The following PRKN variants were observed in gnomAD, a reference collection of about 807,000 sequenced individuals.
PRKN encodes parkin RBR E3 ubiquitin protein ligase, also known as E3 ubiquitin-protein ligase parkin.
In PRKN, 56 loss-of-function variants were observed where a neutral mutation model predicts 59.5. The ratio of observed to expected loss-of-function variants is 0.94; its 90% confidence interval spans 0.76 to 1.18. The LOEUF is 1.18. Ranked by LOEUF, PRKN falls within the 50% of genes most tolerant of loss-of-function variation. The pLI, the probability that PRKN is intolerant of heterozygous loss-of-function variation, is 0.00. For missense variants in PRKN, 657 were observed against 596.4 expected, an observed-to-expected ratio of 1.10 and a Z score of -1.06; for synonymous variants, 250 against 222.1, an observed-to-expected ratio of 1.13 and a Z score of -1.12.
chr6:162,108,297 T>G (rs1349090676), intron 4 of PRKN, among the ~76,000 whole-genome samples: 3 of 152,150 alleles, frequency 2.0e-5, no homozygotes, highest in Admixed American at 2.0e-4. Context: ...CTCTGGGAGC[T>G]TCCCCATGGG....
At chr6:161,635,029 TC>T (rs1783462301) in intron 7 of PRKN, among the ~76,000 whole-genome samples, 1 of 152,124 alleles carries the variant, frequency 6.6e-6, no homozygotes, top group Non-Finnish European at 1.5e-5. Context: ...TGCTCCTTCC[TC>T]AGGGCCGTAA....
chr6:162,030,960 G>T (rs1216707349), intron 5 of PRKN, among the ~76,000 whole-genome samples: 1 of 152,164 alleles, frequency 6.6e-6, no homozygotes, highest in Non-Finnish European at 1.5e-5. Context: ...GGAGTAAATG[G>T]GGAAGGAAGA....
At chr6:162,466,579 GT>G (rs953458037) in intron 1 of PRKN, among the ~76,000 whole-genome samples, 7 of 147,106 alleles carry the variant, frequency 4.8e-5, no homozygotes, top group African/African-American at 2.5e-5. Context: ...TTTTATTCTT[GT>G]TTTTTTTTTA....
intron 6 of PRKN, among the ~76,000 whole-genome samples, chr6:161,841,474 T>C (rs6905168): frequency 0.024 from 3,640 of 152,046 alleles, 129 homozygotes; most frequent in East Asian, 0.076. Flanking sequence ...CTCAGCCTCC[T>C]GAGTAGCTGG....
At chr6:161,864,044 G>T (rs1471053504) in intron 6 of PRKN, among the ~76,000 whole-genome samples, 27 of 152,168 alleles carry the variant, frequency 1.8e-4, no homozygotes, top group Admixed American at 1.7e-3. Context: ...GCTGCTGACT[G>T]ACCAGGGCAG....
At chr6:162,116,006 C>T (rs1418947361) in intron 4 of PRKN, among the ~76,000 whole-genome samples, 1 of 152,134 alleles carries the variant, frequency 6.6e-6, no homozygotes, top group Admixed American at 6.5e-5. Flanking sequence ...AGGGCCACTG[C>T]CCACTCTTCA....
At chr6:161,842,667 C>T (rs1326411914) in intron 6 of PRKN, among the ~76,000 whole-genome samples, 6 of 152,010 alleles carry the variant, frequency 3.9e-5, no homozygotes, top group Non-Finnish European at 7.4e-5. Context: ...AGGGTTCACA[C>T]GATTCTCCTG....
In PRKN at chr6:161,419,278, C is replaced by T. The variant is rs1254130751; in HGVS notation, c.1084-32401G>A. ...GATGTTTAAAGAGGACAGTGAGGTC[C>T]CTGCGCCACAGTGGTAGAAAGTGAC... On this transcript the variant is annotated intron_variant, in intron 9 of 11. Coordinates refer to ENST00000366898, the MANE Select transcript of PRKN (RefSeq NM_004562.3). The surrounding 1 kb of genome is among the most constrained non-coding windows in gnomAD (Gnocchi z 4.1). Among the ~76,000 whole-genome samples, 1 of 152,166 alleles carries T rather than the reference C, an allele frequency of 6.6e-6. No homozygotes were observed. Among genetic ancestry groups the T allele is most frequent in the African/African-American group, 2.4e-5 (1 of 41,428 alleles).
intron 4 of PRKN, 123 bp downstream of exon 4, chr6:162,201,008 C>T: frequency 8.9e-7 from 1 of 1,119,128 alleles, no homozygotes; most frequent in Non-Finnish European, 1.3e-6. Flanking sequence ...ACTATCACAA[C>T]CACAGAAGAG....
At chr6:162,102,841 A>G (rs1780031160) in intron 4 of PRKN, among the ~76,000 whole-genome samples, 2 of 152,088 alleles carry the variant, frequency 1.3e-5, no homozygotes, top group African/African-American at 4.8e-5. Flanking sequence ...CAGGAGATCG[A>G]GACCATCCTG....
At chr6:162,494,958 T>C (rs898335062) in intron 1 of PRKN, among the ~76,000 whole-genome samples, 3 of 152,316 alleles carry the variant, frequency 2.0e-5, no homozygotes, top group East Asian at 3.9e-4. Context: ...AAGGAAATGA[T>C]GGCGAAGCCA....
At chr6:161,700,112 C>A (rs1022212645) in intron 7 of PRKN, among the ~76,000 whole-genome samples, 3 of 151,754 alleles carry the variant, frequency 2.0e-5, no homozygotes, top group African/African-American at 7.3e-5. Flanking sequence ...ACCATGTTCC[C>A]CATCTTTGAA....
At chr6:162,493,844 C>T (rs1462149936) in intron 1 of PRKN, among the ~76,000 whole-genome samples, 1 of 152,182 alleles carries the variant, frequency 6.6e-6, no homozygotes, top group African/African-American at 2.4e-5. Context: ...TTCCACCTCT[C>T]ACCAGCTGGC....
Position 162,338,883 on chromosome 6 carries a change from GGGGA to G in PRKN, c.172-76122_172-76119del, listed in dbSNP as rs1783984433. ...CCCGGCCGCCCATCGTCTGAGATGTGGGGAGCGCCTCTGCCCCGCCGCCCCATCT... is the reference window on the plus strand; with the variant it reads ...CCCGGCCGCCCATCGTCTGAGATGTGGCGCCTCTGCCCCGCCGCCCCATCT... On this transcript the variant is annotated intron_variant, in intron 2 of 11. Transcript: ENST00000366898. Among the ~76,000 whole-genome samples the G allele has an allele frequency of 2.0e-5, 3 of 150,718 alleles. No homozygotes were observed. In the East Asian group the frequency reaches 6.0e-4, roughly 30 times the overall value.
intron 5 of PRKN, among the ~76,000 whole-genome samples, chr6:161,988,402 C>T (rs1423265999): frequency 7.9e-5 from 12 of 151,692 alleles, no homozygotes; most frequent in Admixed American, 5.2e-4. Context: ...GCAGGAGAAT[C>T]GCTTGAGCCC....
intron 7 of PRKN, among the ~76,000 whole-genome samples, chr6:161,774,882 G>A (rs778491907): frequency 3.3e-5 from 5 of 152,150 alleles, no homozygotes; most frequent in East Asian, 1.9e-4. Context: ...TTTAAACTCC[G>A]AAGCTTAGGA....
At chr6:162,550,669 A>T (rs1287683926) in intron 1 of PRKN, among the ~76,000 whole-genome samples, 1 of 152,220 alleles carries the variant, frequency 6.6e-6, no homozygotes, top group African/African-American at 2.4e-5. Flanking sequence ...TTTTATTAAT[A>T]TCTAAGCATA....
chr6:162,448,115 T>A (rs1045214682), intron 1 of PRKN, among the ~76,000 whole-genome samples: 1 of 152,130 alleles, frequency 6.6e-6, no homozygotes, highest in Non-Finnish European at 1.5e-5. Context: ...TTCTTCCTCA[T>A]GAGAGGGTTT....
At chr6:161,482,254 T>C (rs1480413231) in intron 9 of PRKN, among the ~76,000 whole-genome samples, 2 of 152,216 alleles carry the variant, frequency 1.3e-5, no homozygotes, top group African/African-American at 4.8e-5. Flanking sequence ...CCAATATTAA[T>C]GCTTTAGGAA....
Sources: allele counts gnomAD v4.1 joint callset (sites outside exome capture counted in the v4.1 genomes callset), GRCh38; gene constraint gnomAD v4.1.1; non-coding constraint Gnocchi (gnomAD v3.1); transcripts MANE v1.5; gene names NCBI Gene and HGNC (gene_info 2026-07-23, HGNC 2026-07-21).